Variants in TAFA5 observed in about 807,000 individuals in gnomAD.
TAFA5 encodes TAFA chemokine like family member 5, also known as chemokine-like protein TAFA-5.
In TAFA5, 6 loss-of-function variants were observed where a neutral mutation model predicts 15.3. The observed-to-expected ratio is 0.39, with a 90% confidence interval of 0.21 to 0.77. The LOEUF is 0.77. TAFA5 is among the 30% of genes least tolerant of loss of function. The pLI, the probability that TAFA5 is intolerant of heterozygous loss-of-function variation, is 0.41. For missense variants in TAFA5, 161 were observed against 193.1 expected (o/e 0.83, Z 0.98); for synonymous variants, 103 against 80.7 (o/e 1.28, Z -1.48).
In TAFA5 at chr22:48,735,125, G is replaced by A. The variant is rs149866711; in HGVS notation, c.391-14714G>A. On this transcript the variant is annotated intron_variant, in intron 3 of 3. Coordinates refer to ENST00000402357, the MANE Select transcript of TAFA5 (RefSeq NM_001082967.3). Reference sequence around the variant, plus strand: ...ATGGGCTGCAGACTGTTCTCATCCCGTTTTACAGATGAGGAAACGGAGGCA... The same window carrying A: ...ATGGGCTGCAGACTGTTCTCATCCCATTTTACAGATGAGGAAACGGAGGCA... Among the ~76,000 whole-genome samples, 95 of 152,280 alleles carry A rather than the reference G, an allele frequency of 6.2e-4. 1 individual carries two copies. Among genetic ancestry groups the A allele is most frequent in the African/African-American group, 2.1e-3 (89 of 41,562 alleles).
intron 3 of TAFA5, among the ~76,000 whole-genome samples, chr22:48,747,104 C>T (rs541442797): frequency 3.9e-5 from 6 of 152,184 alleles, no homozygotes; most frequent in Non-Finnish European, 4.4e-5. Context: ...CATGGTGTCA[C>T]CATTCCCGCC....
At chr22:48,641,980 G>A (rs910369006) in intron 1 of TAFA5, among the ~76,000 whole-genome samples, 2 of 152,206 alleles carry the variant, frequency 1.3e-5, no homozygotes, top group Non-Finnish European at 2.9e-5. Flanking sequence ...GGCCGGCGCC[G>A]TGGGTAGACC....
intron 3 of TAFA5, among the ~76,000 whole-genome samples, chr22:48,743,338 C>T (rs1352881364): frequency 6.6e-6 from 1 of 152,224 alleles, no homozygotes; most frequent in Admixed American, 6.5e-5. Flanking sequence ...GCTCCCGCCT[C>T]TGTCTCTGTC....
chr22:48,523,154 T>C (rs1245831836), intron 1 of TAFA5, among the ~76,000 whole-genome samples: 1 of 152,198 alleles, frequency 6.6e-6, no homozygotes, highest in Non-Finnish European at 1.5e-5. Flanking sequence ...CCCCTGCCGC[T>C]CGTGCCACAA....
chr22:48,687,522 A>G (rs1928401960), intron 2 of TAFA5, among the ~76,000 whole-genome samples: 1 of 152,136 alleles, frequency 6.6e-6, no homozygotes, highest in African/African-American at 2.4e-5. Flanking sequence ...GCCTTCTGTG[A>G]GCCTTGATGG....
At chr22:48,570,113 C>T (rs1029166688) in intron 1 of TAFA5, among the ~76,000 whole-genome samples, 8 of 152,220 alleles carry the variant, frequency 5.3e-5, no homozygotes, top group Non-Finnish European at 8.8e-5. Context: ...TCTGCCCTGC[C>T]TTCCGGTCCA....
chr22:48,643,964 G>A (rs529033596), intron 1 of TAFA5, among the ~76,000 whole-genome samples: 1 of 152,350 alleles, frequency 6.6e-6, no homozygotes, highest in South Asian at 2.1e-4. Context: ...CTTTCCTTCT[G>A]CGTAAATCAC....
chr22:48,647,009 C>T (rs1926892650), intron 2 of TAFA5, among the ~76,000 whole-genome samples: 1 of 152,124 alleles, frequency 6.6e-6, no homozygotes, highest in South Asian at 2.1e-4. Flanking sequence ...GTTTGGGGCT[C>T]TCTGGCCCAA....
chr22:48,535,087 C>G (rs1922108825), intron 1 of TAFA5, among the ~76,000 whole-genome samples: 1 of 152,122 alleles, frequency 6.6e-6, no homozygotes. Context: ...CAAGGCTGGG[C>G]CCTGGGGCCT....
rs551109829 is a variant in TAFA5, at chr22:48,717,580, C to T, written c.390+9736C>T. On this transcript the variant is annotated intron_variant, in intron 3 of 3. Coordinates refer to ENST00000402357, the MANE Select transcript of TAFA5 (RefSeq NM_001082967.3). The stretch of plus-strand genomic sequence containing the variant: ...AAGCACAAATGCCCTGAGGCTCCAG[C>T]GTGGGAACGTTGGAGAGCTGTGGCC... Among the ~76,000 whole-genome samples the T allele has an allele frequency of 1.1e-4, 17 of 152,326 alleles. No homozygotes were observed. In the East Asian group the frequency reaches 2.3e-3, roughly 21 times the overall value.
chr22:48,677,713 A>T (rs539359213), intron 2 of TAFA5, among the ~76,000 whole-genome samples: 14 of 152,238 alleles, frequency 9.2e-5, no homozygotes, highest in Non-Finnish European at 1.8e-4. Context: ...GAGGAACTTG[A>T]GGAAGAAACT....
At chr22:48,562,256 G>A (rs932588843) in intron 1 of TAFA5, among the ~76,000 whole-genome samples, 3 of 152,004 alleles carry the variant, frequency 2.0e-5, no homozygotes, top group African/African-American at 7.2e-5. Context: ...TCCTGCCTCA[G>A]CCTCCTGAGT....
intron 1 of TAFA5, among the ~76,000 whole-genome samples, chr22:48,589,522 C>A (rs144462772): frequency 4.4e-4 from 66 of 151,178 alleles, no homozygotes; most frequent in African/African-American, 1.3e-3. Context: ...ACCTGGAAAC[C>A]CAGGGTCGGT....
At chr22:48,590,999 C>G (rs1408809077) in intron 1 of TAFA5, among the ~76,000 whole-genome samples, 2 of 152,120 alleles carry the variant, frequency 1.3e-5, no homozygotes, top group Non-Finnish European at 2.9e-5. Flanking sequence ...TTACAGGCGC[C>G]CATCACCACG....
intron 1 of TAFA5, among the ~76,000 whole-genome samples, chr22:48,534,070 G>T (rs2147114441): frequency 6.6e-6 from 1 of 152,276 alleles, no homozygotes; most frequent in African/African-American, 2.4e-5. Flanking sequence ...TCCTTCCATT[G>T]CTACCCTCAC....
At chr22:48,597,559 G>T (rs1020774406) in intron 1 of TAFA5, among the ~76,000 whole-genome samples, 3 of 139,798 alleles carry the variant, frequency 2.1e-5, no homozygotes, top group African/African-American at 8.1e-5. Context: ...GCTACCTGCA[G>T]CCCCCTTCAC....
chr22:48,661,003 A>G (rs767100899), intron 2 of TAFA5, among the ~76,000 whole-genome samples: 47 of 152,304 alleles, frequency 3.1e-4, no homozygotes, highest in Non-Finnish European at 4.4e-4. Context: ...GAATACAGTC[A>G]GAGCTCATTC....
rs1601712092 is a variant in TAFA5, at chr22:48,744,037, C to G, written c.391-5802C>G. 2.0e-5 allele frequency among the ~76,000 whole-genome samples: 3 copies of G among 152,334 alleles called. No individual in the cohort carries two copies. The East Asian group carries it at 5.8e-4, about 29-fold the overall frequency. On this transcript the variant is annotated intron_variant, in intron 3 of 3. Coordinates refer to ENST00000402357, the MANE Select transcript of TAFA5 (RefSeq NM_001082967.3). ...GGCTGGGTTTGCCGTCGGGGAAGCT[C>G]CGAGTTGCGCCTGCCAAGGCTGTTC...
At chr22:48,541,511 C>T (rs372695899) in intron 1 of TAFA5, among the ~76,000 whole-genome samples, 41 of 152,286 alleles carry the variant, frequency 2.7e-4, no homozygotes, top group South Asian at 1.0e-3. Context: ...AGTTCAGCCT[C>T]GGCCGGCTGC....
Sources: gnomAD v4.1 joint callset for allele counts (sites outside exome capture counted in the v4.1 genomes callset) on GRCh38, gnomAD v4.1.1 for gene constraint, MANE v1.5 for transcripts, NCBI Gene and HGNC (gene_info 2026-07-23, HGNC 2026-07-21) for gene names.